The following PCDHA1 variants were observed in gnomAD, a reference collection of about 807,000 sequenced individuals.
PCDHA1 encodes the protein protocadherin alpha-1.
In PCDHA1, 42 loss-of-function variants were observed where a neutral mutation model predicts 61.3. That is an observed-to-expected ratio of 0.69 (90% CI 0.54 to 0.89). The LOEUF (loss-of-function observed/expected upper bound fraction) is 0.89. PCDHA1 is among the 40% of genes least tolerant of loss of function. The pLI is 0.00. For missense variants in PCDHA1, 1,256 were observed against 1,235.3 expected, an observed-to-expected ratio of 1.02 and a Z score of -0.25; for synonymous variants, 610 against 553.8, an observed-to-expected ratio of 1.10 and a Z score of -1.43.
chr5:140,945,533 A>G (rs1007849839), intron 1 of PCDHA1, among the ~76,000 whole-genome samples: 2 of 152,084 alleles, frequency 1.3e-5, no homozygotes, highest in African/African-American at 4.8e-5. Flanking sequence ...AAAACAAAAC[A>G]TACAAACAAA....
At chr5:140,865,692 T>C (rs2048967146) in intron 1 of PCDHA1, 1 of 152,212 alleles carries the variant, frequency 6.6e-6, no homozygotes, top group Non-Finnish European at 1.5e-5. Context: ...ATATGACTGT[T>C]CCAATTTGAA....
At chr5:140,826,562 A>G (rs2150144174) in intron 1 of PCDHA1, among the ~76,000 whole-genome samples, 15 of 152,154 alleles carry the variant, frequency 9.9e-5, no homozygotes, top group Non-Finnish European at 1.8e-4. Context: ...CCTTTGAAGG[A>G]GGGGTTTAAT....
At position 140,838,075 on chromosome 5, in the gene PCDHA1, A is replaced by AGTG. The variant is rs781914509; in HGVS notation, c.2394+49391_2394+49392insGTG. Among the ~76,000 whole-genome samples the AGTG allele has an allele frequency of 1.4e-3, 174 of 128,230 alleles. 2 individuals carry two copies. Among genetic ancestry groups the AGTG allele is most frequent in the Admixed American group, 2.8e-3 (34 of 12,302 alleles). 84.1% of individuals were successfully genotyped at this position (128,230 alleles called of 152,430 possible). ...GTTTTCCACTTTAAGTTATATATAT[A>AGTG]TAGTGTGTGTGTGTGTGTGTGTGTG... is the stretch of plus-strand genomic sequence containing the variant. On this transcript the variant is annotated intron_variant, in intron 1 of 3. Coordinates refer to ENST00000504120, the MANE Select transcript of PCDHA1 (RefSeq NM_018900.4).
chr5:140,803,627 T>C (rs782685933), intron 1 of PCDHA1: 7 of 1,613,964 alleles, frequency 4.3e-6, no homozygotes, highest in Admixed American at 3.3e-5. Context: ...CAAAATGTCT[T>C]TGTTTTTCAT....
At chr5:140,803,296 T>A (rs1312324296) in intron 1 of PCDHA1, 15 of 1,614,112 alleles carry the variant, frequency 9.3e-6, no homozygotes, top group Non-Finnish European at 1.3e-5. Flanking sequence ...AACGTGTACT[T>A]GATCGTCGCC....
chr5:141,001,324 C>G (rs1455380423), intron 3 of PCDHA1, among the ~76,000 whole-genome samples: 2 of 152,154 alleles, frequency 1.3e-5, no homozygotes, highest in Non-Finnish European at 1.5e-5. Flanking sequence ...TGCCAAACAT[C>G]ACCATAATTT....
intron 1 of PCDHA1, among the ~76,000 whole-genome samples, chr5:140,963,504 G>T (rs1044640224): frequency 4.6e-5 from 7 of 152,222 alleles, no homozygotes; most frequent in Admixed American, 1.3e-4. Flanking sequence ...CAAATCTCTT[G>T]AAGGGGTTCT....
intron 1 of PCDHA1, chr5:140,804,048 A>C: frequency 6.0e-6 from 1 of 167,982 alleles, no homozygotes; most frequent in East Asian, 1.8e-4. Flanking sequence ...ATAACTCCCT[A>C]TTGATTATGC....
intron 1 of PCDHA1, chr5:140,803,410 C>A: frequency 1.9e-6 from 3 of 1,614,236 alleles, no homozygotes; most frequent in South Asian, 1.1e-5. Flanking sequence ...GGCAAGCCCA[C>A]GCTGGTGTGC....
At chr5:140,798,934 T>C (rs1762377645) in intron 1 of PCDHA1, among the ~76,000 whole-genome samples, 1 of 152,216 alleles carries the variant, frequency 6.6e-6, no homozygotes, top group African/African-American at 2.4e-5. Flanking sequence ...AGAAATAACT[T>C]CCACTAGTGA....
At chr5:140,834,262 C>G in intron 1 of PCDHA1, 2 of 985,852 alleles carry the variant, frequency 2.0e-6, no homozygotes, top group Admixed American at 2.4e-5. Flanking sequence ...ACGCTCCACT[C>G]TCTTTCACTC....
intron 1 of PCDHA1, chr5:140,929,179 G>C: frequency 6.2e-7 from 1 of 1,614,104 alleles, no homozygotes. Context: ...TCTGGGACTT[G>C]GTTCTGATAA....
chr5:140,911,444 C>T (rs13161603), intron 1 of PCDHA1, among the ~76,000 whole-genome samples: 2,752 of 152,248 alleles, frequency 0.018, 47 homozygotes, highest in South Asian at 0.1. Context: ...CCCGCAATTT[C>T]AGCTCTTTCT....
chr5:140,814,789 T>C lies in PCDHA1; in HGVS notation c.2394+26105T>C, dbSNP rs2126658661. On this transcript the variant is annotated intron_variant, in intron 1 of 3. Transcript: ENST00000504120. ...TGGTCTGTTATTGGTTGAAACGTTG[T>C]TATACAACACTTGACTTTATTGTAT... The C allele has an allele frequency of 2.8e-4, 43 of 152,320 alleles. 1 individual carries two copies. The highest frequency in any genetic ancestry group is 2.8e-3 in the Admixed American group (43 of 15,304). The allele number at this position is 152,320 out of a possible 1,614,324, so 9.4% of individuals were successfully genotyped here.
chr5:140,830,281 C>T, intron 1 of PCDHA1: 2 of 1,613,822 alleles, frequency 1.2e-6, no homozygotes, highest in Non-Finnish European at 1.7e-6. Flanking sequence ...CCACCGAGGG[C>T]GCGTGCACGG....
chr5:140,822,533 A>G, intron 1 of PCDHA1: 1 of 1,613,982 alleles, frequency 6.2e-7, no homozygotes, highest in Non-Finnish European at 8.5e-7. Context: ...TTGTTGGAAA[A>G]TGCACCAAGT....
At chr5:140,884,368 G>T (rs2060127258) in intron 1 of PCDHA1, 1 of 1,613,864 alleles carries the variant, frequency 6.2e-7, no homozygotes, top group Non-Finnish European at 8.5e-7. Context: ...ATGTTTACTT[G>T]ATCATTGCCA....
At chr5:140,891,223 C>T (rs903810382) in intron 1 of PCDHA1, among the ~76,000 whole-genome samples, 19 of 152,110 alleles carry the variant, frequency 1.2e-4, no homozygotes, top group Non-Finnish European at 2.2e-4. Flanking sequence ...TCTTTATAAT[C>T]ATCCTGTTCT....
chr5:140,900,693 T>A (rs1223398418), intron 1 of PCDHA1, among the ~76,000 whole-genome samples: 1 of 152,242 alleles, frequency 6.6e-6, no homozygotes, highest in African/African-American at 2.4e-5. Flanking sequence ...TATACTGATT[T>A]CCGTTCTTTT....
Sources: allele counts gnomAD v4.1 joint callset (sites outside exome capture counted in the v4.1 genomes callset), GRCh38; gene constraint gnomAD v4.1.1; transcripts MANE v1.5; gene names NCBI Gene and HGNC (gene_info 2026-07-23, HGNC 2026-07-21).